KIAA0319: variants seen among roughly 807,000 people sequenced by gnomAD.
KIAA0319 encodes the protein dyslexia-associated protein KIAA0319.
KIAA0319 carries 83 observed loss-of-function variants against 108.4 expected under a neutral mutation model. That is an observed-to-expected ratio of 0.77 (90% CI 0.64 to 0.92). The LOEUF (loss-of-function observed/expected upper bound fraction) is 0.92, where lower values mean the gene tolerates loss of function less well. Ranked by LOEUF, KIAA0319 falls within the 40% of genes least tolerant of loss-of-function variation. The pLI, the probability that KIAA0319 is intolerant of heterozygous loss-of-function variation, is 0.00. For missense variants in KIAA0319, 1,195 were observed against 1,322.4 expected, an observed-to-expected ratio of 0.90 and a Z score of 1.49; for synonymous variants, 484 against 510.4, an observed-to-expected ratio of 0.95 and a Z score of 0.70.
At position 24,547,048 on chromosome 6, in the gene KIAA0319, TA is replaced by T; in HGVS notation, c.*116del. 1 of 1,116,304 alleles carries T rather than the reference TA, an allele frequency of 9.0e-7. No homozygotes were observed. Among genetic ancestry groups the T allele is most frequent in the South Asian group, 1.4e-5 (1 of 70,520 alleles). The allele number at this position is 1,116,304 out of a possible 1,614,324, so 69.1% of individuals were successfully genotyped here. A position where few individuals can be genotyped will look rare whatever the true frequency, so the allele number is the denominator to read the frequency against. On this transcript the variant is annotated 3_prime_UTR_variant, in exon 21 of 21. Transcript: ENST00000378214. The stretch of plus-strand genomic sequence containing the variant: ...CTTTTAGTACGTGGGGATACACATC[TA>T]ACCCACTGGGGAAGAAGGTCAATGA...
chr6:24,560,531 T>A (rs1352153681), intron 16 of KIAA0319, among the ~76,000 whole-genome samples: 1 of 152,222 alleles, frequency 6.6e-6, no homozygotes, highest in Non-Finnish European at 1.5e-5. Flanking sequence ...TCTGTATTCA[T>A]CCCCTAGGGT....
chr6:24,569,883 T>C lies in KIAA0319; in HGVS notation c.1991+20A>G, dbSNP rs1764434886. On this transcript the variant is annotated intron_variant, in intron 12 of 20. Transcript: ENST00000378214. Reference sequence around the variant, plus strand: ...CATTCAGCATGGGCATGAACCTAGCTCAGTGGCGAGACAGACTACCTGACG... The same window carrying C: ...CATTCAGCATGGGCATGAACCTAGCCCAGTGGCGAGACAGACTACCTGACG... 6.2e-7 allele frequency: 1 copy of C among 1,613,340 alleles called. No homozygotes were observed. Among genetic ancestry groups the C allele is most frequent in the Non-Finnish European group, 8.5e-7 (1 of 1,179,460 alleles).
At chr6:24,565,986 G>A (rs1444219101) in intron 14 of KIAA0319, among the ~76,000 whole-genome samples, 4 of 152,142 alleles carry the variant, frequency 2.6e-5, no homozygotes, top group Non-Finnish European at 5.9e-5. Flanking sequence ...TCCAAGCTAT[G>A]GTTTCCTGCC....
chr6:24,624,022 T>C (rs2745332), intron 1 of KIAA0319, among the ~76,000 whole-genome samples: 368 of 30,472 alleles, frequency 0.012, no homozygotes, highest in African/African-American at 0.027. Context: ...GTTTTCTTTT[T>C]TTTTTTTTTT....
intron 19 of KIAA0319, among the ~76,000 whole-genome samples, chr6:24,553,296 C>T (rs62400518): frequency 0.16 from 5,509 of 34,514 alleles, 170 homozygotes; most frequent in African/African-American, 0.24. Context: ...TATATATATA[C>T]ACACACACAC....
intron 1 of KIAA0319, among the ~76,000 whole-genome samples, chr6:24,633,245 T>C (rs1775801624): frequency 6.6e-6 from 1 of 152,064 alleles, no homozygotes; most frequent in Non-Finnish European, 1.5e-5. Context: ...AGGTAGAAGG[T>C]GCACTAATCA....
chr6:24,583,730 CA>C, intron 4 of KIAA0319, 28 bp from the exon 5 acceptor site: 1 of 1,351,380 alleles, frequency 7.4e-7, no homozygotes, highest in Non-Finnish European at 1.1e-6. Flanking sequence ...ATAATACGTG[CA>C]ATTATATAAT....
chr6:24,580,543 G>A (rs1466743358), intron 7 of KIAA0319, among the ~76,000 whole-genome samples: 1 of 152,136 alleles, frequency 6.6e-6, no homozygotes, highest in Non-Finnish European at 1.5e-5. Flanking sequence ...ACTGACCGAT[G>A]GGCATACATT....
chr6:24,568,774 C>G lies in KIAA0319; in HGVS notation c.2140+7G>C, dbSNP rs753332323. 3.7e-6 allele frequency: 6 copies of G among 1,613,542 alleles called. No homozygotes were observed. Among genetic ancestry groups the G allele is most frequent in the Non-Finnish European group, 5.1e-6 (6 of 1,179,820 alleles). On this transcript the variant is annotated splice_region_variant and intron_variant, in intron 13 of 20. Coordinates refer to ENST00000378214, the MANE Select transcript of KIAA0319 (RefSeq NM_014809.4). ...GGCCCAGCCCTGTCCACCTCAGACCCACTCACCCTTCTTCACAGCCACAGT... is the reference window on the plus strand; with the variant it reads ...GGCCCAGCCCTGTCCACCTCAGACCGACTCACCCTTCTTCACAGCCACAGT...
chr6:24,559,953 C>CA (rs1762873180), intron 16 of KIAA0319, among the ~76,000 whole-genome samples: 3 of 152,196 alleles, frequency 2.0e-5, no homozygotes, highest in Non-Finnish European at 4.4e-5. Flanking sequence ...TGGAATCATA[C>CA]AATATGAGAC....
At position 24,576,631 on chromosome 6, in the gene KIAA0319, T is replaced by C. The variant is rs771088368; in HGVS notation, c.1506-35A>G. On this transcript the variant is annotated intron_variant, in intron 9 of 20. Transcript: ENST00000378214. Reference sequence around the variant, plus strand: ...GGAGAAGAAGCCGTAGTTGGAAGAATATGCCAGGCTGGGTGCAGTGACTCA... The same window carrying C: ...GGAGAAGAAGCCGTAGTTGGAAGAACATGCCAGGCTGGGTGCAGTGACTCA... 11 of 1,556,132 alleles carry C rather than the reference T, an allele frequency of 7.1e-6. No individual in the cohort carries two copies. In the South Asian group the frequency reaches 1.2e-4, roughly 17 times the overall value.
At chr6:24,594,003 A>G (rs1455227180) in intron 3 of KIAA0319, among the ~76,000 whole-genome samples, 1 of 149,642 alleles carries the variant, frequency 6.7e-6, no homozygotes, top group East Asian at 2.1e-4. Context: ...ATTCAAAACC[A>G]GTCTGACCAA....
intron 1 of KIAA0319, among the ~76,000 whole-genome samples, chr6:24,631,371 T>A (rs1200052980): frequency 3.3e-5 from 5 of 152,026 alleles, no homozygotes; most frequent in Non-Finnish European, 7.4e-5. Context: ...ATTGGGAGGG[T>A]CAACTTGATA....
chr6:24,551,331 C>T, intron 20 of KIAA0319, 103 bp downstream of exon 20: 2 of 785,422 alleles, frequency 2.5e-6, no homozygotes, highest in Non-Finnish European at 2.2e-6. Context: ...AATTAAAGTG[C>T]TGACTCCAGC....
At chr6:24,574,969 A>G (rs1167191903) in intron 10 of KIAA0319, among the ~76,000 whole-genome samples, 1 of 152,244 alleles carries the variant, frequency 6.6e-6, no homozygotes, top group African/African-American at 2.4e-5. Flanking sequence ...AACTGAGCAG[A>G]CTACTGTGTC....
intron 11 of KIAA0319, among the ~76,000 whole-genome samples, chr6:24,571,878 C>A (rs1764776116): frequency 6.6e-6 from 1 of 152,176 alleles, no homozygotes; most frequent in African/African-American, 2.4e-5. Context: ...CCTGTAGCAC[C>A]CTGCAGTTAT....
At chr6:24,559,216 C>T (rs1023079740) in intron 16 of KIAA0319, 61 bp from the exon 17 acceptor site, 1 of 1,566,192 alleles carries the variant, frequency 6.4e-7, no homozygotes, top group Non-Finnish European at 8.7e-7. Context: ...CCATGACACG[C>T]CCACCACAGC....
At chr6:24,564,116 C>A (rs1763508718) in intron 15 of KIAA0319, 86 bp downstream of exon 15, 9 of 1,553,142 alleles carry the variant, frequency 5.8e-6, no homozygotes, top group Non-Finnish European at 7.9e-6. Context: ...GGAGGCCTCC[C>A]ACACTGGTCA....
In KIAA0319 at chr6:24,612,799, T is replaced by G. The variant is rs556070021; in HGVS notation, c.-105-11591A>C. 1.3e-3 allele frequency among the ~76,000 whole-genome samples: 195 copies of G among 152,196 alleles called. 1 individual carries two copies. The highest frequency in any genetic ancestry group is 3.6e-3 in the African/African-American group (151 of 41,520). ...GGAGAGAGGGCTCAGGGAGAATTTT[T>G]TTGTTGTTGTTGTTTTTGAGACTGA... is the stretch of plus-strand genomic sequence containing the variant. On this transcript the variant is annotated intron_variant, in intron 1 of 20. Transcript: ENST00000378214.
Sources: gnomAD v4.1 joint callset for allele counts (sites outside exome capture counted in the v4.1 genomes callset) on GRCh38, gnomAD v4.1.1 for gene constraint, MANE v1.5 for transcripts, NCBI Gene and HGNC (gene_info 2026-07-23, HGNC 2026-07-21) for gene names.